ERBB4: variants seen among roughly 807,000 people sequenced by gnomAD.
The protein encoded by ERBB4 is receptor tyrosine-protein kinase erbB-4.
ERBB4 carries 42 observed loss-of-function variants against 158.0 expected under a neutral mutation model. That is an observed-to-expected ratio of 0.27 (90% CI 0.21 to 0.34). ERBB4 has a LOEUF of 0.34. Ranked by LOEUF, ERBB4 falls within the 10% of genes least tolerant of loss-of-function variation. The pLI is 1.00. For missense variants in ERBB4, 1,333 were observed against 1,624.1 expected, an observed-to-expected ratio of 0.82 and a Z score of 3.08; for synonymous variants, 583 against 558.7, an observed-to-expected ratio of 1.04 and a Z score of -0.61.
intron 12 of ERBB4, among the ~76,000 whole-genome samples, chr2:211,701,644 G>GCTACC (rs1051817224): frequency 3.3e-5 from 5 of 151,190 alleles, no homozygotes; most frequent in African/African-American, 1.2e-4. Context: ...TGTAGTCCCA[G>GCTACC]CTACCGGAGG....
chr2:211,870,248 T>C (rs1307528910), intron 3 of ERBB4, among the ~76,000 whole-genome samples: 1 of 152,176 alleles, frequency 6.6e-6, no homozygotes, highest in Non-Finnish European at 1.5e-5. Flanking sequence ...TAAAATATAT[T>C]TTTGTGTTCT....
intron 1 of ERBB4, among the ~76,000 whole-genome samples, chr2:212,173,775 A>G (rs928597870): frequency 4.6e-5 from 7 of 152,074 alleles, no homozygotes; most frequent in Non-Finnish European, 8.8e-5. Flanking sequence ...CAGAGGGAGC[A>G]GATAGAGAGA....
chr2:211,493,550 C>A (rs1280209456), intron 20 of ERBB4, among the ~76,000 whole-genome samples: 1 of 150,966 alleles, frequency 6.6e-6, no homozygotes, highest in East Asian at 1.9e-4. Flanking sequence ...AATAACCAAA[C>A]TTAAAATACA....
chr2:211,650,121 A>G (rs1009601291), intron 16 of ERBB4, among the ~76,000 whole-genome samples: 1 of 152,018 alleles, frequency 6.6e-6, no homozygotes, highest in Admixed American at 6.6e-5. Flanking sequence ...CTAGTTAGAT[A>G]GAAAATATGA....
intron 2 of ERBB4, among the ~76,000 whole-genome samples, chr2:212,078,277 CT>C (rs34903497): frequency 6.6e-6 from 1 of 151,718 alleles, no homozygotes; most frequent in Non-Finnish European, 1.5e-5. Context: ...GTTTAAGAAA[CT>C]TTTTTTGGGG....
intron 1 of ERBB4, among the ~76,000 whole-genome samples, chr2:212,176,516 G>A (rs1364726912): frequency 6.6e-6 from 1 of 151,918 alleles, no homozygotes; most frequent in African/African-American, 2.4e-5. Flanking sequence ...TGACTTCTTG[G>A]CCTCAAGAAC....
chr2:211,702,082 G>A lies in ERBB4; in HGVS notation c.1374C>T (p.Ile458=), dbSNP rs2106036814. The part of the protein sequence containing the change: ...QSLKEISAGN[I]YITDNSNLCY... The stretch of plus-strand genomic sequence containing the variant: ...ACAGGTTGCTGTTGTCAGTAATATA[G>A]ATGTTTCCTGCGCTGATTTCCTTCA... Residue 458 remains isoleucine, a synonymous_variant, in exon 12 of 28, where the codon ATC becomes ATT. Coordinates refer to ENST00000342788, the MANE Select transcript of ERBB4 (RefSeq NM_005235.3). 3 of 1,613,812 alleles carry A rather than the reference G, an allele frequency of 1.9e-6. No individual in the cohort carries two copies. The highest frequency in any genetic ancestry group is 1.7e-6 in the Non-Finnish European group (2 of 1,179,746).
In ERBB4 at chr2:211,729,563, C is replaced by A. The variant is rs558111397; in HGVS notation, c.623-4369G>T. ...CAAGAAAGAAAACATTCCCTTTGTA[C>A]AATTCAAGGCTACATGCAAGACAAG... On this transcript the variant is annotated intron_variant, in intron 5 of 27. Coordinates refer to ENST00000342788, the MANE Select transcript of ERBB4 (RefSeq NM_005235.3). 2.0e-5 allele frequency among the ~76,000 whole-genome samples: 3 copies of A among 151,814 alleles called. No homozygotes were observed. The East Asian group carries it at 5.8e-4, about 29-fold the overall frequency.
chr2:212,229,870 G>A (rs1425855556), intron 1 of ERBB4, among the ~76,000 whole-genome samples: 2 of 152,284 alleles, frequency 1.3e-5, no homozygotes, highest in Middle Eastern at 3.4e-3. Context: ...TTGGATGGCG[G>A]TCCTATTAAA....
At chr2:211,647,697 G>T (rs767752577) in intron 16 of ERBB4, among the ~76,000 whole-genome samples, 1 of 151,502 alleles carries the variant, frequency 6.6e-6, no homozygotes, top group African/African-American at 2.4e-5. Flanking sequence ...CCATTCACTC[G>T]AATTTCTGGC....
chr2:211,519,164 T>A (rs2066122379), intron 20 of ERBB4, among the ~76,000 whole-genome samples: 1 of 152,118 alleles, frequency 6.6e-6, no homozygotes. Flanking sequence ...TGGTAAATGA[T>A]GACAAATTAT....
intron 1 of ERBB4, among the ~76,000 whole-genome samples, chr2:212,232,206 GT>G (rs1281242053): frequency 6.6e-6 from 1 of 151,900 alleles, no homozygotes; most frequent in Admixed American, 6.6e-5. Flanking sequence ...GTTTTTATAT[GT>G]TATAAAGAAA....
chr2:211,675,385 C>G (rs990644284), intron 13 of ERBB4, among the ~76,000 whole-genome samples: 3 of 151,984 alleles, frequency 2.0e-5, no homozygotes, highest in Non-Finnish European at 4.4e-5. Flanking sequence ...CTTCCTTAAG[C>G]CTCATTTTTT....
chr2:212,247,397 C>A (rs2084350164), intron 1 of ERBB4, among the ~76,000 whole-genome samples: 1 of 152,066 alleles, frequency 6.6e-6, no homozygotes, highest in South Asian at 2.1e-4. Flanking sequence ...ATTAATATTT[C>A]AAAACTATTT....
chr2:212,514,456 T>C (rs1691711338), intron 1 of ERBB4, among the ~76,000 whole-genome samples: 1 of 152,212 alleles, frequency 6.6e-6, no homozygotes, highest in Admixed American at 6.5e-5. Context: ...TTAGTTGTCA[T>C]GTATACCCAT....
At chr2:211,966,877 T>A (rs1280563755) in intron 2 of ERBB4, among the ~76,000 whole-genome samples, 1 of 152,126 alleles carries the variant, frequency 6.6e-6, no homozygotes, top group Non-Finnish European at 1.5e-5. Flanking sequence ...ACTACCCAAG[T>A]TGTGTATAAT....
intron 1 of ERBB4, among the ~76,000 whole-genome samples, chr2:212,524,230 CCAT>C (rs375772175): frequency 5.1e-4 from 77 of 152,000 alleles, no homozygotes; most frequent in African/African-American, 1.8e-3. Flanking sequence ...ATAATTTCTA[CCAT>C]AATATTGTAT....
chr2:212,344,304 G>A (rs1400955152), intron 1 of ERBB4, among the ~76,000 whole-genome samples: 1 of 152,076 alleles, frequency 6.6e-6, no homozygotes, highest in Non-Finnish European at 1.5e-5. Context: ...CTCCTGGCTG[G>A]CATACCAGTA....
intron 1 of ERBB4, among the ~76,000 whole-genome samples, chr2:212,297,623 T>A (rs6726609): frequency 0.74 from 112,164 of 150,746 alleles, 45,757 homozygotes; most frequent in Non-Finnish European, 0.9. Flanking sequence ...AAAACATTAT[T>A]TGATCACTGG....
Sources: allele counts gnomAD v4.1 joint callset (sites outside exome capture counted in the v4.1 genomes callset), GRCh38; gene constraint gnomAD v4.1.1; transcripts MANE v1.5; gene names NCBI Gene and HGNC (gene_info 2026-07-23, HGNC 2026-07-21).